Variants in RABGGTA observed in about 807,000 individuals in gnomAD.
RABGGTA encodes the protein geranylgeranyl transferase type-2 subunit alpha.
Under a neutral mutation model 83.3 loss-of-function variants are expected in RABGGTA, and 69 were observed. The ratio of observed to expected loss-of-function variants is 0.83; its 90% CI spans 0.68 to 1.01. RABGGTA has a LOEUF of 1.01. RABGGTA is among the 50% of genes least tolerant of loss of function. The pLI is 0.00. For synonymous variants in RABGGTA, 310 were observed against 299.8 expected (o/e 1.03, Z -0.35); for missense variants, 681 against 712.7 (o/e 0.96, Z 0.51).
chr14:24,265,618 G>A lies in RABGGTA; in HGVS notation c.1701C>T (p.Thr567=), dbSNP rs1345228084. Residue 567 remains threonine, a synonymous_variant, in exon 17 of 17, where the codon ACC becomes ACT. Coordinates refer to ENST00000216840, the MANE Select transcript of RABGGTA (RefSeq NM_182836.3). ...CAAGGGTAGGGGGCAGGGCCTCTTA[G>A]GTGAGGACGCTGCTAACTGAAGGCA... ...ELLPSVSSVL[T] The A allele has an allele frequency of 1.9e-6, 3 of 1,613,570 alleles. No homozygotes were observed. The highest frequency in any genetic ancestry group is 2.2e-5 in the South Asian group (2 of 91,048).
At chr14:24,268,081 G>A (rs780777418) in intron 12 of RABGGTA, 29 bp downstream of exon 12, 9 of 1,612,542 alleles carry the variant, frequency 5.6e-6, no homozygotes, top group Non-Finnish European at 7.6e-6. Context: ...CGGGCTCTGG[G>A]AGCAGACTCT....
At position 24,268,795 on chromosome 14, in the gene RABGGTA, A is replaced by C. The variant is rs371226710; in HGVS notation, c.830T>G (p.Met277Arg). ...VGSRMEILLL[M>R]VDDSPLIVEW... is the part of the protein sequence containing the mutation. ...CACAATCAGGGGAGAATCATCAACC[A>C]TGAGCAGCAAGATCTCCATCCTGGA... Residue 277 changes from methionine (M) to arginine (R), a missense_variant, in exon 9 of 17, where the codon ATG (methionine) becomes AGG (arginine). Transcript: ENST00000216840. The C allele has an allele frequency of 4.2e-5, 66 of 1,573,522 alleles. No individual in the cohort carries two copies. The highest frequency in any genetic ancestry group is 5.4e-5 in the Non-Finnish European group (63 of 1,159,632).
Position 24,269,570 on chromosome 14 carries a change from G to T in RABGGTA, c.552C>A (p.Arg184=). The change falls in exon 6 of 17, where the codon CGC becomes CGA. Residue 184 remains arginine, a synonymous_variant. Transcript: ENST00000216840. ...NFSNYSSWHY[R]SCLLPQLHPQ... is the part of the protein sequence containing the mutation. ...GGTGCAGCTGGGGCAAGAGACAGGA[G>T]CGGTAATGCCAGGAAGAGTAGTTGG... 1 of 1,611,342 alleles carries T rather than the reference G, an allele frequency of 6.2e-7. No homozygotes were observed. The highest frequency in any genetic ancestry group is 8.5e-7 in the Non-Finnish European group (1 of 1,177,436).
At chr14:24,270,165 G>GT in intron 4 of RABGGTA, 25 bp from the exon 5 acceptor site, 1 of 1,590,416 alleles carries the variant, frequency 6.3e-7, no homozygotes, top group Non-Finnish European at 8.6e-7. Flanking sequence ...GAAGGGGGGG[G>GT]TCAGGGCTCT....
At chr14:24,269,732 G>A in intron 5 of RABGGTA, 38 bp from the exon 6 acceptor site, 1 of 1,598,674 alleles carries the variant, frequency 6.3e-7, no homozygotes, top group Non-Finnish European at 8.6e-7. Context: ...TAGAGGCAGG[G>A]CAAGAGGAGC....
At chr14:24,266,088 A>G (rs954421990) in intron 16 of RABGGTA, among the ~76,000 whole-genome samples, 7 of 152,212 alleles carry the variant, frequency 4.6e-5, no homozygotes, top group African/African-American at 1.7e-4. Context: ...ATACCAGTGT[A>G]AGGTTGCTCT....
At position 24,269,513 on chromosome 14, in the gene RABGGTA, G is replaced by A. The variant is rs781508682; in HGVS notation, c.609C>T (p.Leu203=). The change falls in exon 6 of 17, where the codon CTC becomes CTT. Residue 203 remains leucine, a synonymous_variant. Coordinates refer to ENST00000216840, the MANE Select transcript of RABGGTA (RefSeq NM_182836.3). ...TACCTTTGAGCAGCACATCCTCAGG[G>A]AGGCGCCCCTGTGGTCCAGAATCCG... The part of the protein sequence containing the change: ...PQPDSGPQGR[L]PEDVLLKELE... 27 of 1,597,960 alleles carry A rather than the reference G, an allele frequency of 1.7e-5. No homozygotes were observed. The South Asian group carries it at 2.5e-4, about 15-fold the overall frequency.
In RABGGTA at chr14:24,271,174, G is replaced by T. The variant is rs1420152536; in HGVS notation, c.-54-5C>A. ...TCCAGTGGTAGCCCTTGAAGTCTGA[G>T]GAGAGAAGTGTCAATCACGTAGCCC... On this transcript the variant is annotated splice_polypyrimidine_tract_variant and splice_region_variant and intron_variant, in intron 1 of 16. Transcript: ENST00000216840. The T allele has an allele frequency of 6.7e-7, 1 of 1,495,422 alleles. No individual in the cohort carries two copies. The allele number at this position is 1,495,422 out of a possible 1,614,324, so 92.6% of individuals were successfully genotyped here.
Position 24,270,864 on chromosome 14 carries a change from C to G in RABGGTA, c.87G>C (p.Gln29His). Residue 29 changes from glutamine (Q) to histidine (H), a missense_variant, in exon 3 of 17, where the codon CAG becomes CAC. Physicochemically the swap from Gln to His is conservative, Grantham distance 24. Around this residue, in one of 5 missense-constraint regions of RABGGTA, gnomAD observed 115 missense variants for 111.5 expected, o/e 1.03. Transcript: ENST00000216840. ...TCTGGAATACGGCCTGGGTGGCTGA[C>G]TGGTATAGCTTCAGCTTCTGCTCTC... ...LEREQKLKLY[Q>H]SATQAVFQKR... 2.5e-6 allele frequency: 4 copies of G among 1,613,984 alleles called. No homozygotes were observed. Among genetic ancestry groups the G allele is most frequent in the South Asian group, 1.1e-5 (1 of 91,042 alleles).
chr14:24,266,551 C>T (rs745945428), intron 15 of RABGGTA, 34 bp from the exon 16 acceptor site: 15 of 1,594,160 alleles, frequency 9.4e-6, no homozygotes, highest in South Asian at 7.7e-5. Flanking sequence ...GCAGGACAGG[C>T]GCTGTCAGCC....
chr14:24,270,595 T>C (rs2040935446), intron 3 of RABGGTA, 137 bp from the exon 4 acceptor site: 1 of 1,226,914 alleles, frequency 8.2e-7, no homozygotes, highest in East Asian at 2.5e-5. Context: ...TTTATGGCCT[T>C]ACAGGTATTC....
rs372767329 is a variant in RABGGTA, at chr14:24,267,737, G to A, written c.1276C>T (p.Arg426Cys). ...CTATTCTCCAGCAAGAACTTGCTGC[G>A]CAGGTCATCCAGATACGTTGCCCGC... is the stretch of plus-strand genomic sequence containing the variant. ...PMRATYLDDLRSKFLLENSVL... is the reference protein window; with the variant it reads ...PMRATYLDDLCSKFLLENSVL... The change falls in exon 14 of 17, where the codon CGC becomes TGC. Residue 426 changes from arginine to cysteine, a missense_variant. By Grantham distance (180) the Arg-to-Cys change is radical. Around this residue, in one of 5 missense-constraint regions of RABGGTA, gnomAD observed 421 missense variants for 418.5 expected, o/e 1.01. Transcript: ENST00000216840. 82 of 1,612,048 alleles carry A rather than the reference G, an allele frequency of 5.1e-5. No homozygotes were observed. The highest frequency in any genetic ancestry group is 2.2e-4 in the East Asian group (10 of 44,896).
At chr14:24,267,605 C>T (rs372065628) in intron 14 of RABGGTA, 55 bp downstream of exon 14, 129 of 1,435,058 alleles carry the variant, frequency 9.0e-5, no homozygotes, top group East Asian at 1.2e-4. Flanking sequence ...AAGTCAGGGA[C>T]GTGGGGAGGC....
In RABGGTA at chr14:24,270,960, A is replaced by AC. The variant is rs1386596153; in HGVS notation, c.4-14dup. 3 of 1,613,054 alleles carry AC rather than the reference A, an allele frequency of 1.9e-6. No homozygotes were observed. Among genetic ancestry groups the AC allele is most frequent in the Non-Finnish European group, 2.5e-6 (3 of 1,179,434 alleles). On this transcript the variant is annotated splice_polypyrimidine_tract_variant and intron_variant, in intron 2 of 16. Coordinates refer to ENST00000216840, the MANE Select transcript of RABGGTA (RefSeq NM_182836.3). ...TCAGGCGTCCGTGCTACAAGGATGAACGGGTTGGAAGAGTGCAGGTTGCCT... is the reference window on the plus strand; with the variant it reads ...TCAGGCGTCCGTGCTACAAGGATGAACCGGGTTGGAAGAGTGCAGGTTGCCT...
chr14:24,270,154 G>A lies in RABGGTA; in HGVS notation c.240-14C>T, dbSNP rs766559375. ...TCTTCAGGAGACCTGTACCCAGAAG[G>A]GAAGGGGGGGGTCAGGGCTCTCCTA... On this transcript the variant is annotated splice_polypyrimidine_tract_variant and intron_variant, in intron 4 of 16. Coordinates refer to ENST00000216840, the MANE Select transcript of RABGGTA (RefSeq NM_182836.3). The A allele has an allele frequency of 6.3e-6, 10 of 1,593,432 alleles. No homozygotes were observed. The East Asian group carries it at 1.8e-4, about 29-fold the overall frequency.
At chr14:24,271,283 G>A in intron 1 of RABGGTA, 114 bp from the exon 2 acceptor site, 1 of 861,178 alleles carries the variant, frequency 1.2e-6, no homozygotes, top group Non-Finnish European at 1.7e-6. Flanking sequence ...AAGAGGTCCT[G>A]GGACAGGCTT....
intron 16 of RABGGTA, 30 bp downstream of exon 16, chr14:24,266,396 CCACT>C (rs754530395): frequency 1.2e-5 from 20 of 1,602,932 alleles, no homozygotes; most frequent in Admixed American, 3.3e-5. Context: ...CTCACTTTAC[CCACT>C]GTCTGAAAGG....
intron 15 of RABGGTA, 113 bp from the exon 16 acceptor site, chr14:24,266,630 A>C (rs2040876813): frequency 8.0e-7 from 1 of 1,250,686 alleles, no homozygotes; most frequent in Non-Finnish European, 1.2e-6. Context: ...TCACAGGGTC[A>C]GGCTGCGTGA....
intron 1 of RABGGTA, 21 bp downstream of exon 1, chr14:24,271,466 G>C (rs2040951265): frequency 4.6e-6 from 1 of 215,494 alleles, no homozygotes; most frequent in African/African-American, 2.3e-5. Flanking sequence ...GGGCACCCCC[G>C]CCCCCCGCGG....
Sources: allele counts gnomAD v4.1 joint callset (sites outside exome capture counted in the v4.1 genomes callset), GRCh38; gene constraint gnomAD v4.1.1; regional missense constraint gnomAD v4.1.1; transcripts MANE v1.5; gene names NCBI Gene and HGNC (gene_info 2026-07-23, HGNC 2026-07-21).